Variants in GPATCH2 observed in about 807,000 individuals in gnomAD.
GPATCH2 encodes G-patch domain containing 2.
In GPATCH2, 51 loss-of-function variants were observed where a neutral mutation model predicts 58.0. The ratio of observed to expected loss-of-function variants is 0.88; its 90% CI spans 0.70 to 1.11. The LOEUF (loss-of-function observed/expected upper bound fraction) is 1.11, where lower values mean the gene tolerates loss of function less well. Ranked by LOEUF, GPATCH2 falls within the 50% of genes most tolerant of loss-of-function variation. The probability of loss-of-function intolerance (pLI) is 0.00; values close to 1 mark genes in which losing one functional copy is unlikely to be tolerated. For missense variants in GPATCH2, 625 were observed against 652.2 expected, an observed-to-expected ratio of 0.96 and a Z score of 0.45; for synonymous variants, 222 against 218.5, an observed-to-expected ratio of 1.02 and a Z score of -0.14.
intron 5 of GPATCH2, among the ~76,000 whole-genome samples, chr1:217,524,506 A>C: frequency 6.6e-6 from 1 of 151,862 alleles, no homozygotes; most frequent in African/African-American, 2.4e-5. Flanking sequence ...AGGCCAAGGC[A>C]GGCTGCTGGG....
rs961221901 is a variant in GPATCH2 at position 217,631,055 on chromosome 1, A to G, written c.-84T>C. The G allele has an allele frequency of 1.5e-4, 198 of 1,319,836 alleles. No homozygotes were observed. Among genetic ancestry groups the G allele is most frequent in the Non-Finnish European group, 2.0e-4 (193 of 957,034 alleles). 81.8% of individuals were successfully genotyped at this position (1,319,836 alleles called of 1,614,324 possible). A position where few individuals can be genotyped will look rare whatever the true frequency, so the allele number is the denominator to read the frequency against. On this transcript the variant is annotated 5_prime_UTR_variant, in exon 1 of 10. Coordinates refer to ENST00000366935, the MANE Select transcript of GPATCH2 (RefSeq NM_018040.5). The stretch of plus-strand genomic sequence containing the variant: ...ACAGCACCGGCGACTTCCAAAGAGC[A>G]GTTCAGCATTTTGAGATGAGCTTCC...
chr1:217,628,575 C>T (rs1055760800), intron 1 of GPATCH2, among the ~76,000 whole-genome samples: 6 of 149,270 alleles, frequency 4.0e-5, no homozygotes, highest in African/African-American at 1.5e-4. Flanking sequence ...TTCTGGATTT[C>T]AATAAAATCA....
Position 217,567,233 on chromosome 1 carries a change from A to G in GPATCH2, c.1098+43088T>C, listed in dbSNP as rs542818426. 4.6e-5 allele frequency among the ~76,000 whole-genome samples: 7 copies of G among 151,984 alleles called. No homozygotes were observed. In the South Asian group the frequency reaches 1.5e-3, roughly 32 times the overall value. ...AGCTAATTTTGTATTTTTACTAGAG[A>G]CGGGGTTTCTCCACGTTGGTCAGAC... On this transcript the variant is annotated intron_variant, in intron 5 of 9. Coordinates refer to ENST00000366935, the MANE Select transcript of GPATCH2 (RefSeq NM_018040.5).
In GPATCH2 at chr1:217,611,011, G is replaced by C; in HGVS notation, c.896C>G (p.Thr299Ser). The C allele has an allele frequency of 6.2e-7, 1 of 1,613,478 alleles. No individual in the cohort carries two copies. Among genetic ancestry groups the C allele is most frequent in the Non-Finnish European group, 8.5e-7 (1 of 1,179,662 alleles). The change falls in exon 4 of 10, where the codon ACT (threonine) becomes AGT (serine). Residue 299 changes from threonine (T) to serine (S), a missense_variant. Thr to Ser is a moderately conservative substitution (Grantham distance 58). Transcript: ENST00000366935. ...EKESGGACGI[T>S]GVVPWWEKED... ...CTTTTCCCACCAGGGCACAACTCCA[G>C]TGATACCACATGCTCCACCTGATTC...
intron 5 of GPATCH2, among the ~76,000 whole-genome samples, chr1:217,575,221 T>C (rs1037754941): frequency 1.3e-5 from 2 of 152,216 alleles, no homozygotes; most frequent in Admixed American, 6.5e-5. Context: ...TATGGTTTAC[T>C]GTTCTTTCCA....
At chr1:217,622,796 C>T (rs1039127371) in intron 1 of GPATCH2, among the ~76,000 whole-genome samples, 1 of 152,206 alleles carries the variant, frequency 6.6e-6, no homozygotes, top group Non-Finnish European at 1.5e-5. Context: ...CCACCCGCCA[C>T]GCTTCTCAGT....
intron 5 of GPATCH2, among the ~76,000 whole-genome samples, chr1:217,543,275 T>TG (rs1008416314): frequency 2.7e-5 from 4 of 149,860 alleles, no homozygotes; most frequent in Admixed American, 6.6e-5. Flanking sequence ...GAACGTTTTT[T>TG]TTTTTTTTTT....
At chr1:217,551,974 C>G (rs1229029654) in intron 5 of GPATCH2, among the ~76,000 whole-genome samples, 3 of 152,040 alleles carry the variant, frequency 2.0e-5, no homozygotes, top group Non-Finnish European at 4.4e-5. Flanking sequence ...AGGCTAAGAA[C>G]TTTATTAAGA....
intron 7 of GPATCH2, among the ~76,000 whole-genome samples, chr1:217,496,267 A>G (rs1021957729): frequency 1.3e-5 from 2 of 152,172 alleles, no homozygotes; most frequent in African/African-American, 4.8e-5. Context: ...ACAAAAACCA[A>G]TACTTCCCCT....
chr1:217,616,558 A>C (rs1026364083), intron 2 of GPATCH2, among the ~76,000 whole-genome samples: 8 of 152,148 alleles, frequency 5.3e-5, no homozygotes, highest in African/African-American at 1.9e-4. Flanking sequence ...TGTATACAAC[A>C]TGTTTCTTGA....
At chr1:217,564,021 G>C (rs1341012341) in intron 5 of GPATCH2, among the ~76,000 whole-genome samples, 1 of 116,068 alleles carries the variant, frequency 8.6e-6, no homozygotes, top group African/African-American at 3.5e-5. Context: ...TCCAGCCTGC[G>C]CAACAACAGC....
Position 217,430,090 on chromosome 1 carries a change from G to A in GPATCH2, c.*1055C>T, listed in dbSNP as rs768756774. On this transcript the variant is annotated 3_prime_UTR_variant, in exon 10 of 10. Transcript: ENST00000366935. ...TCAGAAACAGCTCAATACTAGGCAC[G>A]TAATACAAACGACCTCTTTTGCTAG... is the stretch of plus-strand genomic sequence containing the variant. 2.6e-5 allele frequency: 4 copies of A among 152,084 alleles called. No individual in the cohort carries two copies. Among genetic ancestry groups the A allele is most frequent in the East Asian group, 3.8e-4 (2 of 5,200 alleles). 9.4% of individuals were successfully genotyped at this position (152,084 alleles called of 1,614,324 possible). A position where few individuals can be genotyped will look rare whatever the true frequency, so the allele number is the denominator to read the frequency against.
intron 8 of GPATCH2, among the ~76,000 whole-genome samples, chr1:217,475,921 A>G (rs1209761223): frequency 6.6e-6 from 1 of 152,178 alleles, no homozygotes; most frequent in African/African-American, 2.4e-5. Context: ...CAAGCATGAT[A>G]GTTAAGAGAG....
At chr1:217,435,302 T>C (rs1047720071) in intron 9 of GPATCH2, among the ~76,000 whole-genome samples, 1 of 152,208 alleles carries the variant, frequency 6.6e-6, no homozygotes, top group African/African-American at 2.4e-5. Flanking sequence ...ATCTCTCATA[T>C]CTATTACAGC....
At chr1:217,511,323 G>A (rs1662840375) in intron 6 of GPATCH2, among the ~76,000 whole-genome samples, 1 of 152,050 alleles carries the variant, frequency 6.6e-6, no homozygotes, top group Non-Finnish European at 1.5e-5. Context: ...GAAGAAGAAA[G>A]GCACTGGGAA....
intron 9 of GPATCH2, among the ~76,000 whole-genome samples, chr1:217,448,543 C>T (rs557653157): frequency 3.9e-5 from 6 of 152,316 alleles, no homozygotes; most frequent in African/African-American, 1.4e-4. Flanking sequence ...ACTTTCAATA[C>T]ATACTATTTT....
At chr1:217,467,471 G>GA (rs1474373366) in intron 8 of GPATCH2, among the ~76,000 whole-genome samples, 3 of 151,918 alleles carry the variant, frequency 2.0e-5, no homozygotes, top group African/African-American at 2.4e-5. Flanking sequence ...ATAGAAAAAA[G>GA]AAAAAACACT....
chr1:217,475,154 G>T (rs1034177709), intron 8 of GPATCH2, among the ~76,000 whole-genome samples: 2 of 152,106 alleles, frequency 1.3e-5, no homozygotes, highest in Non-Finnish European at 1.5e-5. Flanking sequence ...AGAAACAAGA[G>T]AAGGCTCGGC....
At chr1:217,481,198 G>A (rs995721300) in intron 8 of GPATCH2, among the ~76,000 whole-genome samples, 1 of 152,032 alleles carries the variant, frequency 6.6e-6, no homozygotes, top group African/African-American at 2.4e-5. Flanking sequence ...TTGAGGGGAT[G>A]GATACCCCAT....
Sources: allele counts gnomAD v4.1 joint callset (sites outside exome capture counted in the v4.1 genomes callset), GRCh38; gene constraint gnomAD v4.1.1; transcripts MANE v1.5; gene names NCBI Gene and HGNC (gene_info 2026-07-23, HGNC 2026-07-21).